The following LTBP1 variants were observed in gnomAD, a reference collection of about 807,000 sequenced individuals.
LTBP1 encodes latent transforming growth factor beta binding protein 1.
LTBP1 carries 129 observed loss-of-function variants against 207.6 expected under a neutral mutation model. The observed-to-expected ratio is 0.62, with a 90% CI of 0.54 to 0.72. The LOEUF (loss-of-function observed/expected upper bound fraction) is 0.72, where lower values mean the gene tolerates loss of function less well. Ranked by LOEUF, LTBP1 falls within the 30% of genes least tolerant of loss-of-function variation. The probability of loss-of-function intolerance (pLI) is 0.00; values close to 1 mark genes in which losing one functional copy is unlikely to be tolerated. For synonymous variants in LTBP1, 963 were observed against 833.7 expected (o/e 1.16, Z -2.67); for missense variants, 2,281 against 2,217.2 (o/e 1.03, Z -0.58).
At chr2:33,243,047 T>C (rs2092389234) in intron 9 of LTBP1, among the ~76,000 whole-genome samples, 1 of 152,184 alleles carries the variant, frequency 6.6e-6, no homozygotes, top group Non-Finnish European at 1.5e-5. Context: ...CACTCTGTGC[T>C]CAAGCTCCAG....
intron 3 of LTBP1, among the ~76,000 whole-genome samples, chr2:33,067,890 G>C (rs1430718091): frequency 6.6e-6 from 1 of 152,184 alleles, no homozygotes; most frequent in Non-Finnish European, 1.5e-5. Context: ...CTATTTAACT[G>C]TGCAGTTGAA....
chr2:33,371,306 G>C (rs2095064205), intron 31 of LTBP1, among the ~76,000 whole-genome samples: 1 of 152,234 alleles, frequency 6.6e-6, no homozygotes, highest in African/African-American at 2.4e-5. Flanking sequence ...CCCCATTGCA[G>C]CCCCTGACTC....
At position 33,311,681 on chromosome 2, in the gene LTBP1, C is replaced by G. The variant is rs3769547; in HGVS notation, c.3604+2125C>G. On this transcript the variant is annotated intron_variant, in intron 23 of 33. Coordinates refer to ENST00000404816, the MANE Select transcript of LTBP1 (RefSeq NM_206943.4). ...AAAACCAAATCTTAATAAAAATGGA[C>G]CAAGATTTCATATTGCATAAATTTA... Among the ~76,000 whole-genome samples the G allele has an allele frequency of 0.017, 2,559 of 152,124 alleles. 126 individuals are homozygous for G. The East Asian group carries it at 0.18, about 11-fold the overall frequency.
chr2:33,202,185 A>T (rs1032168953), intron 7 of LTBP1, among the ~76,000 whole-genome samples: 1 of 152,204 alleles, frequency 6.6e-6, no homozygotes, highest in African/African-American at 2.4e-5. Flanking sequence ...TCCTAATTGC[A>T]TGGCTGAAAT....
At chr2:33,102,191 AT>A (rs2079776951) in intron 3 of LTBP1, among the ~76,000 whole-genome samples, 1 of 152,096 alleles carries the variant, frequency 6.6e-6, no homozygotes, top group African/African-American at 2.4e-5. Flanking sequence ...ATCTGTTGTA[AT>A]AGTTTGGTGA....
intron 5 of LTBP1, among the ~76,000 whole-genome samples, chr2:33,149,239 A>AAAAAC (rs2083316261): frequency 6.9e-6 from 1 of 144,842 alleles, no homozygotes; most frequent in Admixed American, 6.9e-5. Flanking sequence ...AAAAAAAAAA[A>AAAAAC]AAAAAAAAAA....
Position 33,103,586 on chromosome 2 carries a change from C to CGTGTGTGTGTGT in LTBP1, c.864-6966_864-6955dup, listed in dbSNP as rs71407500. Among the ~76,000 whole-genome samples, 138 of 118,218 alleles carry CGTGTGTGTGTGT rather than the reference C, an allele frequency of 1.2e-3. No homozygotes were observed. The Middle Eastern group carries it at 0.018, about 15-fold the overall frequency. 77.6% of individuals were successfully genotyped at this position (118,218 alleles called of 152,430 possible). Reference sequence around the variant, plus strand: ...GACCATAAATCCTTGTCTCCGTTTACGTGTGTGTGTGTGTGTGTGTGTGTG... The same window carrying CGTGTGTGTGTGT: ...GACCATAAATCCTTGTCTCCGTTTACGTGTGTGTGTGTGTGTGTGTGTGTGTGTGTGTGTGTG... On this transcript the variant is annotated intron_variant, in intron 3 of 33. Transcript: ENST00000404816.
intron 3 of LTBP1, among the ~76,000 whole-genome samples, chr2:33,075,234 T>C (rs987266714): frequency 6.6e-6 from 1 of 152,204 alleles, no homozygotes; most frequent in Non-Finnish European, 1.5e-5. Flanking sequence ...ACTTAAGATG[T>C]CAAGGAAAAA....
chr2:33,153,687 C>A (rs897321124), intron 5 of LTBP1, among the ~76,000 whole-genome samples: 2 of 152,154 alleles, frequency 1.3e-5, no homozygotes, highest in Non-Finnish European at 2.9e-5. Context: ...TATTTGAATT[C>A]ATTTATCTCT....
chr2:33,097,330 A>G (rs988308454), intron 3 of LTBP1, among the ~76,000 whole-genome samples: 2 of 152,218 alleles, frequency 1.3e-5, no homozygotes, highest in African/African-American at 4.8e-5. Context: ...ACTACAGATA[A>G]AATAAAAGTC....
At chr2:33,004,786 A>AATATATATATATATATGTAT (rs1686545093) in intron 2 of LTBP1, among the ~76,000 whole-genome samples, 1 of 101,106 alleles carries the variant, frequency 9.9e-6, no homozygotes, top group South Asian at 4.1e-4. Context: ...AAAAAAAAGG[A>AATATATATATATATATGTAT]ATATATATAT....
At chr2:32,967,076 T>A (rs753513999) in intron 2 of LTBP1, among the ~76,000 whole-genome samples, 25 of 152,170 alleles carry the variant, frequency 1.6e-4, no homozygotes, top group Non-Finnish European at 2.8e-4. Flanking sequence ...AAGGAATTGA[T>A]CCATTTCATT....
intron 24 of LTBP1, among the ~76,000 whole-genome samples, chr2:33,341,211 G>A (rs1211607868): frequency 1.3e-5 from 2 of 152,042 alleles, no homozygotes; most frequent in East Asian, 1.9e-4. Context: ...ATATGATCAG[G>A]TGAAAACTAT....
chr2:33,383,581 T>C (rs1178089880), intron 31 of LTBP1, among the ~76,000 whole-genome samples: 1 of 152,218 alleles, frequency 6.6e-6, no homozygotes, highest in East Asian at 1.9e-4. Flanking sequence ...TTTCTTTTTT[T>C]AGATAGGGTC....
intron 5 of LTBP1, among the ~76,000 whole-genome samples, chr2:33,152,879 T>G (rs542365329): frequency 2.0e-4 from 30 of 152,366 alleles, no homozygotes; most frequent in African/African-American, 7.0e-4. Context: ...GATAATTGAT[T>G]GTGAATCTTT....
At chr2:33,365,698 G>C (rs1168111697) in intron 31 of LTBP1, among the ~76,000 whole-genome samples, 195 bp downstream of exon 31, 1 of 151,154 alleles carries the variant, frequency 6.6e-6, no homozygotes, top group African/African-American at 2.4e-5. Context: ...CTCTACTCCC[G>C]ACCCTGTCGT....
chr2:33,294,332 G>T (rs942918045), intron 20 of LTBP1, among the ~76,000 whole-genome samples: 4 of 151,822 alleles, frequency 2.6e-5, no homozygotes, highest in African/African-American at 9.7e-5. Flanking sequence ...GAGTAGCTGG[G>T]ATTACAGGTG....
chr2:33,222,127 C>A lies in LTBP1; in HGVS notation c.1852C>A (p.Arg618=). The A allele has an allele frequency of 6.2e-7, 1 of 1,612,266 alleles. No individual in the cohort carries two copies. The highest frequency in any genetic ancestry group is 8.5e-7 in the Non-Finnish European group (1 of 1,178,334). The stretch of plus-strand genomic sequence containing the variant: ...GATGGAATGCCTACCGGGTTATAAG[C>A]GGGTTAACAACACCTTTTGCCAAGG... The part of the protein sequence containing the change: ...QMMECLPGYK[R]VNNTFCQDIN... The change falls in exon 9 of 34, where the codon CGG becomes AGG. Residue 618 remains arginine, a synonymous_variant. Coordinates refer to ENST00000404816, the MANE Select transcript of LTBP1 (RefSeq NM_206943.4).
chr2:32,969,620 CT>C (rs2148557595), intron 2 of LTBP1, among the ~76,000 whole-genome samples: 1 of 152,282 alleles, frequency 6.6e-6, no homozygotes, highest in South Asian at 2.1e-4. Flanking sequence ...TTTTTTAAGG[CT>C]GTGTAATATT....
Sources: gnomAD v4.1 joint callset for allele counts (sites outside exome capture counted in the v4.1 genomes callset) on GRCh38, gnomAD v4.1.1 for gene constraint, MANE v1.5 for transcripts, NCBI Gene and HGNC (gene_info 2026-07-23, HGNC 2026-07-21) for gene names.